The following FHAD1 variants were observed in gnomAD, a reference collection of about 807,000 sequenced individuals.
FHAD1 encodes forkhead associated phosphopeptide binding domain 1.
In FHAD1, 146 loss-of-function variants were observed where a neutral mutation model predicts 191.3. That is an observed-to-expected ratio of 0.76 (90% CI 0.67 to 0.88). FHAD1 has a LOEUF of 0.88. FHAD1 is among the 40% of genes least tolerant of loss of function. The pLI, the probability that FHAD1 is intolerant of heterozygous loss-of-function variation, is 0.00. For missense variants in FHAD1, 1,635 were observed against 1,785.8 expected (o/e 0.92, Z 1.52); for synonymous variants, 616 against 672.3 (o/e 0.92, Z 1.29).
intron 3 of FHAD1, among the ~76,000 whole-genome samples, chr1:15,277,143 AC>A (rs893184706): frequency 2.0e-5 from 3 of 152,310 alleles, no homozygotes; most frequent in African/African-American, 7.2e-5. Flanking sequence ...AAGGAAACCT[AC>A]GTTGGCCTGT....
chr1:15,238,731 G>A (rs1486578921), intron 1 of FHAD1, among the ~76,000 whole-genome samples: 1 of 152,236 alleles, frequency 6.6e-6, no homozygotes, highest in East Asian at 1.9e-4. Context: ...CCCAGACCAC[G>A]TCCAATCAAA....
chr1:15,399,239 A>G (rs1706872236), downstream of FHAD1, among the ~76,000 whole-genome samples: 1 of 152,202 alleles, frequency 6.6e-6, no homozygotes, highest in Admixed American at 6.5e-5. Flanking sequence ...GTGATATTCC[A>G]TTGGAGGCAC....
downstream of FHAD1, among the ~76,000 whole-genome samples, chr1:15,398,567 G>A (rs189645304): frequency 5.3e-5 from 8 of 152,050 alleles, no homozygotes; most frequent in South Asian, 2.1e-4. Context: ...CTGTCCATTC[G>A]GATACACCAG....
rs1169546578 is a variant in FHAD1, at chr1:15,352,878, T to A, written c.2456T>A (p.Ile819Asn). Residue 819 changes from isoleucine (I) to asparagine (N), a missense_variant and splice_region_variant, in exon 20 of 34, where the codon ATC (isoleucine) becomes AAC (asparagine). By Grantham distance (149) the Ile-to-Asn change is moderately radical. Coordinates refer to ENST00000688493, the MANE Select transcript of FHAD1 (RefSeq NM_001391957.1). ...LENHLTQQKE[I>N]SESNIAYEKR... is the part of the protein sequence containing the mutation. ...CAAACCACTTTCATTGACTTCCAGA[T>A]CTCAGAGAGCAACATTGCGTACGAG... 6.4e-7 allele frequency: 1 copy of A among 1,551,018 alleles called. No individual in the cohort carries two copies. The highest frequency in any genetic ancestry group is 8.7e-7 in the Non-Finnish European group (1 of 1,146,640).
intron 26 of FHAD1, among the ~76,000 whole-genome samples, chr1:15,373,292 C>T (rs1276612410): frequency 1.3e-5 from 2 of 150,494 alleles, no homozygotes; most frequent in African/African-American, 2.5e-5. Flanking sequence ...AGGCGGATCA[C>T]GAGGTCAGGA....
At chr1:15,337,517 C>T (rs890195873) in intron 14 of FHAD1, among the ~76,000 whole-genome samples, 1 of 152,182 alleles carries the variant, frequency 6.6e-6, no homozygotes, top group East Asian at 1.9e-4. Context: ...CAGGCAACAT[C>T]CAGGATCGTC....
At chr1:15,362,445 A>G (rs1361378086) in intron 22 of FHAD1, among the ~76,000 whole-genome samples, 197 bp from the exon 23 acceptor site, 1 of 152,164 alleles carries the variant, frequency 6.6e-6, no homozygotes, top group African/African-American at 2.4e-5. Context: ...TGCCTTCTAG[A>G]GTAGCTGGGA....
chr1:15,279,529 A>T (rs1274714106), intron 3 of FHAD1, among the ~76,000 whole-genome samples: 3 of 138,480 alleles, frequency 2.2e-5, no homozygotes, highest in African/African-American at 5.4e-5. Context: ...TTTCTTGCCT[A>T]TTAAACTTTC....
At position 15,389,439 on chromosome 1, in the gene FHAD1, A is replaced by G. The variant is rs1171349511; in HGVS notation, c.4269+1308A>G. ...CTCTAGCCTGAGCAACAGAGGAAGA[A>G]CCTGTCTCAAAAAAAAAAAAAAAAA... On this transcript the variant is annotated intron_variant, in intron 32 of 33. Coordinates refer to ENST00000688493, the MANE Select transcript of FHAD1 (RefSeq NM_001391957.1). Among the ~76,000 whole-genome samples, 3 of 136,112 alleles carry G rather than the reference A, an allele frequency of 2.2e-5. No individual in the cohort carries two copies. In the East Asian group the frequency reaches 6.2e-4, roughly 28 times the overall value. The allele number at this position is 136,112 out of a possible 152,430, so 89.3% of individuals were successfully genotyped here. A position where few individuals can be genotyped will look rare whatever the true frequency, so the allele number is the denominator to read the frequency against.
intron 1 of FHAD1, among the ~76,000 whole-genome samples, chr1:15,239,827 G>C (rs970682906): frequency 2.0e-5 from 3 of 152,204 alleles, no homozygotes; most frequent in African/African-American, 7.2e-5. Context: ...TTCATGCACT[G>C]CTGGGGGGTG....
At position 15,247,258 on chromosome 1, in the gene FHAD1, G is replaced by C. The variant is rs559470301; in HGVS notation, c.-152G>C. On this transcript the variant is annotated 5_prime_UTR_variant, in exon 1 of 34. Transcript: ENST00000688493. ...CAACGCGCGTACACAGGCCGGCCGGGCGGGCGGGGTGCCGGGTGCGAGCTG... is the reference window on the plus strand; with the variant it reads ...CAACGCGCGTACACAGGCCGGCCGGCCGGGCGGGGTGCCGGGTGCGAGCTG... 7.1e-5 allele frequency: 13 copies of C among 182,176 alleles called. 1 individual carries two copies. The East Asian group carries it at 1.9e-3, about 27-fold the overall frequency. 11.3% of individuals were successfully genotyped at this position (182,176 alleles called of 1,614,324 possible).
chr1:15,337,678 C>T (rs539282009), intron 14 of FHAD1, among the ~76,000 whole-genome samples: 2 of 152,182 alleles, frequency 1.3e-5, no homozygotes, highest in Non-Finnish European at 2.9e-5. Flanking sequence ...AGTGCAATAC[C>T]AGCAATACGG....
intron 10 of FHAD1, 132 bp from the exon 11 acceptor site, chr1:15,324,320 C>T (rs1677464829): frequency 1.4e-6 from 1 of 726,724 alleles, no homozygotes; most frequent in African/African-American, 1.7e-5. Context: ...CGCCTGTGAC[C>T]CCTGCCACAT....
intron 2 of FHAD1, among the ~76,000 whole-genome samples, chr1:15,271,237 C>A (rs944425313): frequency 6.6e-6 from 1 of 152,032 alleles, no homozygotes; most frequent in Non-Finnish European, 1.5e-5. Context: ...TCCTTGAACC[C>A]AGGAGGTGGA....
intron 27 of FHAD1, among the ~76,000 whole-genome samples, chr1:15,374,918 G>A (rs1367790813): frequency 6.7e-6 from 1 of 149,862 alleles, no homozygotes; most frequent in Non-Finnish European, 1.5e-5. Context: ...GAGTGCAGTG[G>A]TGCATTCTTG....
At position 15,358,264 on chromosome 1, in the gene FHAD1, A is replaced by G. The variant is rs61742520; in HGVS notation, c.2717A>G (p.Glu906Gly). ...TTAAATGAAACATTAGCCGAACTGG[A>G]AACTACCAAGACAAAAATGGTAAGT... is the stretch of plus-strand genomic sequence containing the variant. The part of the protein sequence containing the change: ...LKLNETLAEL[E>G]TTKTKMIMVE... Residue 906 changes from glutamate (E) to glycine (G), a missense_variant, in exon 21 of 34, where the codon GAA becomes GGA. Coordinates refer to ENST00000688493, the MANE Select transcript of FHAD1 (RefSeq NM_001391957.1). The G allele has an allele frequency of 3.1e-4, 476 of 1,529,712 alleles. No homozygotes were observed. The African/African-American group carries it at 4.5e-3, about 14-fold the overall frequency. 94.8% of individuals were successfully genotyped at this position (1,529,712 alleles called of 1,614,324 possible).
Position 15,381,208 on chromosome 1 carries a change from A to G in FHAD1, c.3802-23A>G. 6.6e-7 allele frequency: 1 copy of G among 1,526,530 alleles called. No individual in the cohort carries two copies. The highest frequency in any genetic ancestry group is 1.2e-5 in the South Asian group (1 of 83,354). The allele number at this position is 1,526,530 out of a possible 1,614,324, so 94.6% of individuals were successfully genotyped here. A position where few individuals can be genotyped will look rare whatever the true frequency, so the allele number is the denominator to read the frequency against. On this transcript the variant is annotated intron_variant, in intron 29 of 33. Coordinates refer to ENST00000688493, the MANE Select transcript of FHAD1 (RefSeq NM_001391957.1). This position sits in a 1 kb window ranked among gnomAD's most constrained non-coding sequence, Gnocchi z 4.6. ...CCAGCGGCCGCGGGTAATGCCTCTTATGCGCGAACGTTTTCCTTGTAGTAC... is the reference window on the plus strand; with the variant it reads ...CCAGCGGCCGCGGGTAATGCCTCTTGTGCGCGAACGTTTTCCTTGTAGTAC...
intron 32 of FHAD1, among the ~76,000 whole-genome samples, chr1:15,390,761 G>C (rs545481478): frequency 5.3e-5 from 8 of 152,326 alleles, no homozygotes; most frequent in African/African-American, 1.7e-4. Context: ...CATTCAAACA[G>C]GCCCCTAAAG....
chr1:15,399,802 A>G (rs1173741465), downstream of FHAD1, among the ~76,000 whole-genome samples: 1 of 152,192 alleles, frequency 6.6e-6, no homozygotes, highest in Non-Finnish European at 1.5e-5. Flanking sequence ...TAAATATGCA[A>G]CAAGGAGAGA....
Sources: gnomAD v4.1 joint callset for allele counts (sites outside exome capture counted in the v4.1 genomes callset) on GRCh38, gnomAD v4.1.1 for gene constraint, Gnocchi (gnomAD v3.1) non-coding constraint, MANE v1.5 for transcripts, NCBI Gene and HGNC (gene_info 2026-07-23, HGNC 2026-07-21) for gene names.